The following TP63 variants were observed in gnomAD, a reference collection of about 807,000 sequenced individuals.
The protein encoded by TP63 is tumor protein 63.
TP63 carries 17 observed loss-of-function variants against 82.8 expected under a neutral mutation model. That is an observed-to-expected ratio of 0.21 (90% CI 0.14 to 0.31). TP63 has a LOEUF of 0.31. Among genes scored for constraint, TP63 ranks in the 10% least tolerant of loss-of-function variants. The probability of loss-of-function intolerance (pLI) is 1.00; values close to 1 mark genes in which losing one functional copy is unlikely to be tolerated. For synonymous variants in TP63, 330 were observed against 321.7 expected, an observed-to-expected ratio of 1.03 and a Z score of -0.28; for missense variants, 648 against 895.3, an observed-to-expected ratio of 0.72 and a Z score of 3.52.
chr3:189,829,043 C>CT (rs1206932425), intron 4 of TP63, among the ~76,000 whole-genome samples: 2 of 152,210 alleles, frequency 1.3e-5, no homozygotes, highest in African/African-American at 2.4e-5. Context: ...TCTCTTTGTT[C>CT]TTTTTTGCTG....
chr3:189,753,149 T>A (rs4476481), intron 3 of TP63, among the ~76,000 whole-genome samples: 20 of 152,160 alleles, frequency 1.3e-4, no homozygotes, highest in East Asian at 3.8e-4. Context: ...TAAATGTCAA[T>A]TAGATATAGT....
Position 189,766,096 on chromosome 3 carries a change from G to A in TP63, c.324+27322G>A, listed in dbSNP as rs145219118. ...AATGCCTGTAGTCCCAGCTACTTGG[G>A]AGGCTGAGTGGGGAGGATCACTTGA... On this transcript the variant is annotated intron_variant, in intron 3 of 13. Transcript: ENST00000264731. Among the ~76,000 whole-genome samples the A allele has an allele frequency of 2.2e-4, 33 of 152,302 alleles. No homozygotes were observed. The East Asian group carries it at 6.2e-3, about 29-fold the overall frequency.
chr3:189,826,299 G>A (rs1372280883), intron 4 of TP63, among the ~76,000 whole-genome samples: 1 of 152,154 alleles, frequency 6.6e-6, no homozygotes, highest in Non-Finnish European at 1.5e-5. Flanking sequence ...TATTTGATGA[G>A]CTTCTTGGAA....
At chr3:189,793,869 A>C (rs1391309601) in intron 3 of TP63, among the ~76,000 whole-genome samples, 1 of 152,130 alleles carries the variant, frequency 6.6e-6, no homozygotes, top group Non-Finnish European at 1.5e-5. Context: ...GGAAAATGTC[A>C]GTTGACTAAT....
rs116627665 is a variant in TP63, at chr3:189,688,980, T to G, written c.63-48760T>G. Among the ~76,000 whole-genome samples, 711 of 152,140 alleles carry G rather than the reference T, an allele frequency of 4.7e-3. 8 individuals carry two copies. The highest frequency in any genetic ancestry group is 0.017 in the African/African-American group (695 of 41,520). ...TCCCAGAGAGGGGAAGTAAACTGCT[T>G]GATTCACAACATGAAGCAGTGACAG... On this transcript the variant is annotated intron_variant, in intron 1 of 13. Coordinates refer to ENST00000264731, the MANE Select transcript of TP63 (RefSeq NM_003722.5).
At chr3:189,880,628 T>G in intron 10 of TP63, 1 of 985,886 alleles carries the variant, frequency 1.0e-6, no homozygotes, top group Non-Finnish European at 1.2e-6. Flanking sequence ...TTATTGTCTG[T>G]GCATAAGTAA....
At chr3:189,653,409 G>A (rs558534163) in intron 1 of TP63, among the ~76,000 whole-genome samples, 70 of 152,146 alleles carry the variant, frequency 4.6e-4, no homozygotes, top group Non-Finnish European at 8.8e-4. Flanking sequence ...TAATCCATCT[G>A]TTTGATGACT....
intron 10 of TP63, among the ~76,000 whole-genome samples, chr3:189,883,604 A>G (rs1361871576): frequency 6.6e-6 from 1 of 152,190 alleles, no homozygotes; most frequent in Non-Finnish European, 1.5e-5. Context: ...CCTACAAATC[A>G]CTGGACCCTG....
rs73063893 is a variant in TP63 at position 189,643,501 on chromosome 3, T to C, written c.62+11924T>C. Among the ~76,000 whole-genome samples the C allele has an allele frequency of 7.4e-3, 1,129 of 151,966 alleles. 14 individuals carry two copies. The highest frequency in any genetic ancestry group is 0.025 in the African/African-American group (1,050 of 41,444). ...GCTTTTGCTCCCCTATTTCTGTTGA[T>C]AACTCAGAAATCTCTCATTTACCAA... On this transcript the variant is annotated intron_variant, in intron 1 of 13. Coordinates refer to ENST00000264731, the MANE Select transcript of TP63 (RefSeq NM_003722.5).
chr3:189,803,959 C>A (rs887875784), intron 3 of TP63, among the ~76,000 whole-genome samples: 3 of 152,152 alleles, frequency 2.0e-5, no homozygotes, highest in Non-Finnish European at 2.9e-5. Flanking sequence ...TGGGTGTCTG[C>A]AGGGTATGTT....
intron 3 of TP63, among the ~76,000 whole-genome samples, chr3:189,775,811 G>A (rs987335555): frequency 4.6e-5 from 7 of 152,122 alleles, no homozygotes; most frequent in African/African-American, 1.7e-4. Context: ...TGAATTTAAA[G>A]CAGAAATTGA....
intron 1 of TP63, chr3:189,645,312 G>T (rs1712313989): frequency 2.0e-6 from 1 of 501,740 alleles, no homozygotes; most frequent in South Asian, 3.0e-5. Context: ...CCCTTCTTTG[G>T]TTCCTTTTCC....
the TP63 span, among the ~76,000 whole-genome samples, chr3:189,608,988 C>A: frequency 9.7e-4 from 147 of 152,192 alleles, 1 homozygote; most frequent in African/African-American, 3.5e-3. Flanking sequence ...AGGAGGAAAA[C>A]ACTGTAGTTT....
At chr3:189,738,538 G>T (rs1400349334) in intron 2 of TP63, 104 bp from the exon 3 acceptor site, 1 of 1,549,162 alleles carries the variant, frequency 6.5e-7, no homozygotes, top group African/African-American at 1.4e-5. Flanking sequence ...AAACCAATGA[G>T]CCTTGCTGAC....
chr3:189,820,620 G>A (rs1728701689), intron 4 of TP63, among the ~76,000 whole-genome samples: 1 of 152,204 alleles, frequency 6.6e-6, no homozygotes, highest in Non-Finnish European at 1.5e-5. Context: ...TTGGATACTA[G>A]TGAGTGGAGC....
At chr3:189,675,530 A>G (rs1715311866) in intron 1 of TP63, among the ~76,000 whole-genome samples, 1 of 152,144 alleles carries the variant, frequency 6.6e-6, no homozygotes, top group Non-Finnish European at 1.5e-5. Context: ...CATATTAGAC[A>G]TATATAAGTC....
chr3:189,759,871 C>G (rs1470931915), intron 3 of TP63, among the ~76,000 whole-genome samples: 4 of 152,190 alleles, frequency 2.6e-5, no homozygotes, highest in Admixed American at 2.0e-4. Flanking sequence ...ACTTACAGTT[C>G]CACATGGCCT....
rs375215681 is a variant in TP63 at position 189,774,887 on chromosome 3, G to A, written c.325-33385G>A. ...GAATATATTCTCAAGACTTAGGTAC[G>A]CGGTTGGCCATTGAGGTACAAATCT... On this transcript the variant is annotated intron_variant, in intron 3 of 13. Coordinates refer to ENST00000264731, the MANE Select transcript of TP63 (RefSeq NM_003722.5). Among the ~76,000 whole-genome samples the A allele has an allele frequency of 7.2e-5, 11 of 152,238 alleles. No homozygotes were observed. In the South Asian group the frequency reaches 1.0e-3, roughly 14 times the overall value.
chr3:189,671,468 A>G (rs901226299), intron 1 of TP63, among the ~76,000 whole-genome samples: 3 of 152,116 alleles, frequency 2.0e-5, no homozygotes, highest in Admixed American at 6.6e-5. Flanking sequence ...CCATTATGGA[A>G]AAGAGTATGG....
Sources: gnomAD v4.1 joint callset for allele counts (sites outside exome capture counted in the v4.1 genomes callset) on GRCh38, gnomAD v4.1.1 for gene constraint, MANE v1.5 for transcripts, NCBI Gene and HGNC (gene_info 2026-07-23, HGNC 2026-07-21) for gene names.